SGF29: variants seen among roughly 807,000 people sequenced by gnomAD.
The protein encoded by SGF29 is SAGA complex associated factor 29, also known as SAGA-associated factor 29.
A neutral mutation model predicts 38.1 loss-of-function variants in SGF29; 15 were observed. The observed-to-expected ratio is 0.39, with a 90% confidence interval of 0.26 to 0.61. The LOEUF (loss-of-function observed/expected upper bound fraction) is 0.61, where lower values mean the gene tolerates loss of function less well. Ranked by LOEUF, SGF29 falls within the 20% of genes least tolerant of loss-of-function variation. SGF29 has a pLI of 0.49. For missense variants in SGF29, 184 were observed against 394.6 expected, an observed-to-expected ratio of 0.47 and a Z score of 4.52; for synonymous variants, 151 against 160.8, an observed-to-expected ratio of 0.94 and a Z score of 0.46.
At chr16:28,557,583 T>C (rs554633981) in intron 1 of SGF29, among the ~76,000 whole-genome samples, 149 of 152,304 alleles carry the variant, frequency 9.8e-4, no homozygotes, top group Non-Finnish European at 1.8e-3. Context: ...TATAGTCAGT[T>C]GGTCAGAAGC....
At chr16:28,572,382 G>T (rs1280968390) in intron 1 of SGF29, among the ~76,000 whole-genome samples, 1 of 152,040 alleles carries the variant, frequency 6.6e-6, no homozygotes, top group Non-Finnish European at 1.5e-5. Context: ...CAGCTCTCCT[G>T]CCTCAGCCTC....
Position 28,589,130 on chromosome 16 carries a change from G to A in SGF29, c.255G>A (p.Ala85=), listed in dbSNP as rs1368062076. 16 of 1,614,084 alleles carry A rather than the reference G, an allele frequency of 9.9e-6. No individual in the cohort carries two copies. In the South Asian group the frequency reaches 1.1e-4, roughly 11 times the overall value. ...NILRKALDKI[A]EIKSLLEERR... ...TTCGGAAAGCTCTGGACAAGATCGCGGAAATCAAGTCTCTGTTGGAAGAGA... is the reference window on the plus strand; with the variant it reads ...TTCGGAAAGCTCTGGACAAGATCGCAGAAATCAAGTCTCTGTTGGAAGAGA... Residue 85 remains alanine, a synonymous_variant, in exon 5 of 10, where the codon GCG becomes GCA. Coordinates refer to ENST00000317058, the MANE Select transcript of SGF29 (RefSeq NM_138414.3).
intron 1 of SGF29, among the ~76,000 whole-genome samples, chr16:28,572,979 CCAGA>C (rs1468255345): frequency 1.3e-5 from 2 of 152,138 alleles, no homozygotes; most frequent in African/African-American, 4.8e-5. Flanking sequence ...AGCTGTACTC[CCAGA>C]CAGAGTAACC....
intron 1 of SGF29, among the ~76,000 whole-genome samples, chr16:28,580,643 A>G (rs2046919673): frequency 1.3e-5 from 2 of 152,310 alleles, no homozygotes; most frequent in East Asian, 1.9e-4. Flanking sequence ...ACAAGGTGAC[A>G]TTACAGGTAC....
intron 1 of SGF29, among the ~76,000 whole-genome samples, chr16:28,565,077 G>A (rs1038649340): frequency 6.6e-6 from 1 of 151,980 alleles, no homozygotes; most frequent in East Asian, 1.9e-4. Flanking sequence ...GGGGAGAGGA[G>A]GCCAAGTGTC....
rs1327867302 is a variant in SGF29, at chr16:28,584,908, T to A, written c.76-5T>A. The A allele has an allele frequency of 6.2e-7, 1 of 1,612,032 alleles. No individual in the cohort carries two copies. Among genetic ancestry groups the A allele is most frequent in the Admixed American group, 1.7e-5 (1 of 59,954 alleles). Reference sequence around the variant, plus strand: ...CGTCATGTCCTGCTGCTCTTTTCCTTACAGGAAGAGCGTTCGCGGAGCGAA... The same window carrying A: ...CGTCATGTCCTGCTGCTCTTTTCCTAACAGGAAGAGCGTTCGCGGAGCGAA... On this transcript the variant is annotated splice_polypyrimidine_tract_variant and splice_region_variant and intron_variant, in intron 2 of 9. Transcript: ENST00000317058.
intron 1 of SGF29, among the ~76,000 whole-genome samples, chr16:28,555,313 A>AG (rs911846918): frequency 2.0e-5 from 3 of 152,080 alleles, no homozygotes; most frequent in African/African-American, 7.2e-5. Context: ...AAAAAAAAAA[A>AG]AAAAATTAAA....
At chr16:28,578,180 C>T (rs897820754) in intron 1 of SGF29, among the ~76,000 whole-genome samples, 3 of 151,274 alleles carry the variant, frequency 2.0e-5, no homozygotes, top group East Asian at 1.9e-4. Flanking sequence ...TTATTGATCT[C>T]GTATCCTGCA....
intron 1 of SGF29, among the ~76,000 whole-genome samples, chr16:28,570,569 T>C (rs1448684492): frequency 6.7e-6 from 1 of 150,050 alleles, no homozygotes; most frequent in Non-Finnish European, 1.5e-5. Flanking sequence ...TATTTATTTA[T>C]TTATTTATTT....
intron 1 of SGF29, among the ~76,000 whole-genome samples, chr16:28,568,416 T>TATGAGAAATTACAGAAAATGCCA (rs1567287227): frequency 6.6e-6 from 1 of 151,342 alleles, no homozygotes; most frequent in Non-Finnish European, 1.5e-5. Flanking sequence ...AACTATAGGA[T>TATGAGAAATTACAGAAAATGCCA]ATGAGAAATT....
At chr16:28,577,194 A>G (rs2151649057) in intron 1 of SGF29, among the ~76,000 whole-genome samples, 1 of 152,168 alleles carries the variant, frequency 6.6e-6, no homozygotes, top group South Asian at 2.1e-4. Context: ...AAAAGTGCAG[A>G]CTACATAAAT....
chr16:28,581,206 G>C, intron 2 of SGF29, 62 bp downstream of exon 2: 2 of 1,478,388 alleles, frequency 1.4e-6, no homozygotes, highest in Non-Finnish European at 1.9e-6. Context: ...GAGCCGTGAA[G>C]TGGGGGTGGC....
chr16:28,564,689 A>G (rs200086895), intron 1 of SGF29, among the ~76,000 whole-genome samples: 5 of 80,800 alleles, frequency 6.2e-5, no homozygotes, highest in South Asian at 2.8e-4. Flanking sequence ...ATATATGTGT[A>G]TATATATGTA....
chr16:28,591,504 C>T, intron 9 of SGF29, 86 bp from the exon 10 acceptor site: 2 of 915,844 alleles, frequency 2.2e-6, no homozygotes, highest in Non-Finnish European at 3.6e-6. Flanking sequence ...CGGCCCAGAG[C>T]CTCCTGTGGT....
At chr16:28,559,340 T>G (rs1596595241) in intron 1 of SGF29, among the ~76,000 whole-genome samples, 2 of 151,966 alleles carry the variant, frequency 1.3e-5, no homozygotes, top group Admixed American at 6.6e-5. Context: ...GATAGAGAGA[T>G]AGAGAATTGT....
At chr16:28,570,548 A>T (rs1034005381) in intron 1 of SGF29, among the ~76,000 whole-genome samples, 7 of 59,468 alleles carry the variant, frequency 1.2e-4, no homozygotes, top group East Asian at 5.7e-4. Context: ...TTTAAATTTT[A>T]TTTATTTATT....
intron 2 of SGF29, among the ~76,000 whole-genome samples, chr16:28,583,179 T>G (rs2046936674): frequency 6.6e-6 from 1 of 152,366 alleles, no homozygotes; most frequent in African/African-American, 2.4e-5. Flanking sequence ...TCTCTCTCTC[T>G]CAGCCTCTCT....
chr16:28,564,687 G>GTATA (rs376845529), intron 1 of SGF29, among the ~76,000 whole-genome samples: 3 of 47,090 alleles, frequency 6.4e-5, no homozygotes, highest in Non-Finnish European at 1.6e-4. Context: ...ATATATATGT[G>GTATA]TATATATATG....
At chr16:28,584,437 G>A (rs1018190195) in intron 2 of SGF29, among the ~76,000 whole-genome samples, 4 of 151,602 alleles carry the variant, frequency 2.6e-5, no homozygotes, top group African/African-American at 7.3e-5. Flanking sequence ...GGTGGATCAC[G>A]AGGTCAGGAG....
Sources: gnomAD v4.1 joint callset for allele counts (sites outside exome capture counted in the v4.1 genomes callset) on GRCh38, gnomAD v4.1.1 for gene constraint, MANE v1.5 for transcripts, NCBI Gene and HGNC (gene_info 2026-07-23, HGNC 2026-07-21) for gene names.